Variants in SPAG6 observed in about 807,000 individuals in gnomAD.
SPAG6 encodes the protein sperm associated antigen 6.
A neutral mutation model predicts 58.5 loss-of-function variants in SPAG6; 49 were observed. The observed-to-expected ratio is 0.84, with a 90% CI of 0.67 to 1.06. The LOEUF is 1.06. Among genes scored for constraint, SPAG6 ranks in the 50% least tolerant of loss-of-function variants. The pLI is 0.00. For missense variants in SPAG6, 560 were observed against 611.3 expected (o/e 0.92, Z 0.89); for synonymous variants, 233 against 225.6 (o/e 1.03, Z -0.29).
chr10:22,391,680 T>C (rs759445072), intron 7 of SPAG6, 49 bp from the exon 8 acceptor site: 11 of 1,552,426 alleles, frequency 7.1e-6, no homozygotes, highest in Non-Finnish European at 9.7e-6. Context: ...GAAGACTCTT[T>C]AATCCTGCTC....
At chr10:22,396,995 T>A (rs951103960) in intron 8 of SPAG6, among the ~76,000 whole-genome samples, 3 of 152,176 alleles carry the variant, frequency 2.0e-5, no homozygotes, top group Non-Finnish European at 4.4e-5. Context: ...GGTAAGATAT[T>A]ACTTGATTTA....
Position 22,401,406 on chromosome 10 carries a change from C to A in SPAG6, c.1314+129C>A, listed in dbSNP as rs1834411928. ...GTTTTACTGCTTAACTCTCACCAAT[C>A]TGTATGGACAGAGAAGTTACCTTAA... On this transcript the variant is annotated intron_variant, in intron 9 of 10. Coordinates refer to ENST00000376624, the MANE Select transcript of SPAG6 (RefSeq NM_012443.4). 21 of 639,774 alleles carry A rather than the reference C, an allele frequency of 3.3e-5. No homozygotes were observed. The South Asian group carries it at 3.6e-4, about 11-fold the overall frequency. The allele number at this position is 639,774 out of a possible 1,614,324, so 39.6% of individuals were successfully genotyped here. A position where few individuals can be genotyped will look rare whatever the true frequency, so the allele number is the denominator to read the frequency against.
intron 4 of SPAG6, among the ~76,000 whole-genome samples, chr10:22,369,506 G>A (rs1265259843): frequency 1.3e-5 from 2 of 152,126 alleles, no homozygotes; most frequent in African/African-American, 2.4e-5. Flanking sequence ...TTGAGTGGGG[G>A]GTGGTGGCAG....
At chr10:22,407,225 C>T (rs1341438590) in intron 9 of SPAG6, among the ~76,000 whole-genome samples, 2 of 150,908 alleles carry the variant, frequency 1.3e-5, no homozygotes, top group Non-Finnish European at 1.5e-5. Context: ...GCAGTTTCTT[C>T]CTAGTCTCGA....
At chr10:22,394,017 T>A (rs1834238961) in intron 8 of SPAG6, among the ~76,000 whole-genome samples, 1 of 152,224 alleles carries the variant, frequency 6.6e-6, no homozygotes, top group Non-Finnish European at 1.5e-5. Context: ...ATGAGCAATC[T>A]TTTGGAATTT....
At chr10:22,368,770 G>A in intron 4 of SPAG6, 92 bp downstream of exon 4, 1 of 970,778 alleles carries the variant, frequency 1.0e-6, no homozygotes, top group East Asian at 2.6e-5. Flanking sequence ...TAAAACATAG[G>A]TGGGGTTTTA....
chr10:22,408,420 T>TG (rs1182117742), intron 9 of SPAG6, among the ~76,000 whole-genome samples: 3 of 144,274 alleles, frequency 2.1e-5, no homozygotes, highest in Non-Finnish European at 4.4e-5. Context: ...GTGCCCCTGC[T>TG]GGGGGGTGCC....
intron 2 of SPAG6, among the ~76,000 whole-genome samples, 156 bp from the exon 3 acceptor site, chr10:22,364,697 A>G (rs547583415): frequency 6.6e-6 from 1 of 152,322 alleles, no homozygotes; most frequent in South Asian, 2.1e-4. Flanking sequence ...TGTCTTGGCC[A>G]GTTAGGTACT....
chr10:22,369,102 C>T (rs142217191), intron 4 of SPAG6, among the ~76,000 whole-genome samples: 141 of 152,184 alleles, frequency 9.3e-4, no homozygotes, highest in African/African-American at 3.3e-3. Flanking sequence ...TCTTCCTGCC[C>T]ATTCATGATA....
chr10:22,403,283 C>A lies in SPAG6; in HGVS notation c.1314+2006C>A, dbSNP rs113032219. On this transcript the variant is annotated intron_variant, in intron 9 of 10. Coordinates refer to ENST00000376624, the MANE Select transcript of SPAG6 (RefSeq NM_012443.4). Reference sequence around the variant, plus strand: ...ATATCTCCCAATGCTATCCCTCCCCCCAACCCCCATCCCACAACAGTCCCC... The same window carrying A: ...ATATCTCCCAATGCTATCCCTCCCCACAACCCCCATCCCACAACAGTCCCC... 3.3e-4 allele frequency among the ~76,000 whole-genome samples: 51 copies of A among 152,286 alleles called. No individual in the cohort carries two copies. The East Asian group carries it at 8.9e-3, about 27-fold the overall frequency.
intron 2 of SPAG6, among the ~76,000 whole-genome samples, chr10:22,359,171 G>A (rs1836959208): frequency 6.6e-6 from 1 of 152,164 alleles, no homozygotes; most frequent in Admixed American, 6.6e-5. Context: ...GCCTGAGTCA[G>A]ATGGTAATAT....
intron 2 of SPAG6, among the ~76,000 whole-genome samples, chr10:22,355,948 A>G (rs1836852972): frequency 1.3e-5 from 2 of 152,236 alleles, no homozygotes; most frequent in East Asian, 3.8e-4. Context: ...AAAAATCATC[A>G]TATAAATATC....
At position 22,358,367 on chromosome 10, in the gene SPAG6, G is replaced by A. The variant is rs7095986; in HGVS notation, c.122-6486G>A. 1.0e-2 allele frequency among the ~76,000 whole-genome samples: 1,510 copies of A among 151,068 alleles called. 25 individuals are homozygous for A. Among genetic ancestry groups the A allele is most frequent in the African/African-American group, 0.034 (1,396 of 41,130 alleles). Reference sequence around the variant, plus strand: ...TGAGCATTTTTTCATGTGTTTTTTGGCTGCATAAATGTCTTCTTTTGAGAA... The same window carrying A: ...TGAGCATTTTTTCATGTGTTTTTTGACTGCATAAATGTCTTCTTTTGAGAA... On this transcript the variant is annotated intron_variant, in intron 2 of 10. Transcript: ENST00000376624.
At chr10:22,378,059 T>C (rs930304163) in intron 4 of SPAG6, among the ~76,000 whole-genome samples, 6 of 145,330 alleles carry the variant, frequency 4.1e-5, no homozygotes, top group East Asian at 2.0e-4. Context: ...TCTTTTCTTT[T>C]TTTTTTTTTT....
At chr10:22,362,116 AAT>A (rs1046642052) in intron 2 of SPAG6, among the ~76,000 whole-genome samples, 4 of 145,456 alleles carry the variant, frequency 2.7e-5, no homozygotes, top group Non-Finnish European at 6.0e-5. Flanking sequence ...AATATATATA[AAT>A]ATATGTATTT....
chr10:22,385,598 G>T (rs1202406980), intron 4 of SPAG6, among the ~76,000 whole-genome samples: 1 of 152,080 alleles, frequency 6.6e-6, no homozygotes, highest in African/African-American at 2.4e-5. Flanking sequence ...AAGAATGAAT[G>T]AACTGTTTAT....
intron 9 of SPAG6, among the ~76,000 whole-genome samples, chr10:22,406,060 C>G (rs1269504098): frequency 6.6e-6 from 1 of 152,076 alleles, no homozygotes; most frequent in African/African-American, 2.4e-5. Context: ...AGCGGTCTAT[C>G]AATTTTGTGG....
chr10:22,389,429 A>G, intron 7 of SPAG6, 117 bp downstream of exon 7: 1 of 1,069,618 alleles, frequency 9.3e-7, no homozygotes, highest in Non-Finnish European at 1.3e-6. Context: ...AAATTACCTG[A>G]AAAAAATTTT....
intron 10 of SPAG6, among the ~76,000 whole-genome samples, chr10:22,411,838 ATC>A (rs1834743471): frequency 2.3e-5 from 3 of 132,786 alleles, no homozygotes; most frequent in South Asian, 2.2e-4. Flanking sequence ...AAACAACTGA[ATC>A]TTTTTTTTTT....
Sources: gnomAD v4.1 joint callset for allele counts (sites outside exome capture counted in the v4.1 genomes callset) on GRCh38, gnomAD v4.1.1 for gene constraint, MANE v1.5 for transcripts, NCBI Gene and HGNC (gene_info 2026-07-23, HGNC 2026-07-21) for gene names.